ARMH3: variants seen among roughly 807,000 people sequenced by gnomAD.
ARMH3 encodes armadillo-like helical domain-containing protein 3.
Under a neutral mutation model 99.1 loss-of-function variants are expected in ARMH3, and 60 were observed. The ratio of observed to expected loss-of-function variants is 0.61; its 90% CI spans 0.49 to 0.75. ARMH3 has a LOEUF of 0.75. ARMH3 is among the 30% of genes least tolerant of loss of function. ARMH3 has a pLI of 0.00. For missense variants in ARMH3, 679 were observed against 843.1 expected (o/e 0.81, Z 2.41); for synonymous variants, 285 against 292.8 (o/e 0.97, Z 0.27).
At chr10:101,958,042 A>G (rs1330772765) in intron 20 of ARMH3, among the ~76,000 whole-genome samples, 1 of 152,240 alleles carries the variant, frequency 6.6e-6, no homozygotes, top group Non-Finnish European at 1.5e-5. Context: ...TTACTCCCAC[A>G]TGGTGATTTC....
intron 23 of ARMH3, among the ~76,000 whole-genome samples, chr10:101,899,530 G>A (rs1312921958): frequency 1.3e-5 from 2 of 152,074 alleles, no homozygotes; most frequent in African/African-American, 2.4e-5. Flanking sequence ...CCTTCTTCAT[G>A]GAGTCAATGA....
chr10:101,958,668 C>T (rs1845150363), intron 20 of ARMH3, among the ~76,000 whole-genome samples: 1 of 152,094 alleles, frequency 6.6e-6, no homozygotes, highest in African/African-American at 2.4e-5. Flanking sequence ...CCACCTTCCA[C>T]AGACCCAAGA....
At chr10:102,013,912 A>G in intron 9 of ARMH3, 56 bp downstream of exon 9, 3 of 1,400,906 alleles carry the variant, frequency 2.1e-6, no homozygotes, top group South Asian at 2.5e-5. Context: ...TTTCACTGAA[A>G]GTAATACCAT....
Position 101,990,595 on chromosome 10 carries a change from A to G in ARMH3, c.1362T>C (p.Phe454=), listed in dbSNP as rs377711599. The G allele has an allele frequency of 6.9e-5, 110 of 1,605,136 alleles. No individual in the cohort carries two copies. The highest frequency in any genetic ancestry group is 8.8e-5 in the Non-Finnish European group (103 of 1,172,090). ...ACTCCTTCATCATGTGTGTTACAAT[A>G]AACTCTACCATCAGGTCTGAAAGGG... The part of the protein sequence containing the change: ...VCAVLDLMVE[F]IVTHMMKEFP... Residue 454 remains phenylalanine, a synonymous_variant, in exon 19 of 26, where the codon TTT becomes TTC. Transcript: ENST00000370033.
chr10:101,954,148 T>G (rs1844923784), intron 22 of ARMH3, among the ~76,000 whole-genome samples: 1 of 152,130 alleles, frequency 6.6e-6, no homozygotes, highest in Non-Finnish European at 1.5e-5. Context: ...GCCATAATTG[T>G]GCCATTGCAC....
chr10:102,040,748 G>A (rs1008884351), intron 1 of ARMH3, among the ~76,000 whole-genome samples: 1 of 152,098 alleles, frequency 6.6e-6, no homozygotes, highest in African/African-American at 2.4e-5. Context: ...ATATATTTGA[G>A]GTTGATGGAA....
chr10:101,860,526 C>G (rs2066842407), intron 24 of ARMH3, among the ~76,000 whole-genome samples: 3 of 152,074 alleles, frequency 2.0e-5, no homozygotes. Context: ...TTTGGGGAGG[C>G]AGACTATCAA....
At chr10:101,860,343 CAG>C (rs1001092141) in intron 24 of ARMH3, among the ~76,000 whole-genome samples, 1 of 152,118 alleles carries the variant, frequency 6.6e-6, no homozygotes, top group Non-Finnish European at 1.5e-5. Flanking sequence ...TTGGGCAACT[CAG>C]GGTATGCAGT....
chr10:101,856,191 T>C (rs965808743), intron 24 of ARMH3, among the ~76,000 whole-genome samples: 1 of 152,182 alleles, frequency 6.6e-6, no homozygotes, highest in African/African-American at 2.4e-5. Flanking sequence ...GCTCCAGGGT[T>C]TGACAATTTT....
chr10:102,049,742 A>T (rs2067649874), intron 1 of ARMH3, among the ~76,000 whole-genome samples: 2 of 151,780 alleles, frequency 1.3e-5, no homozygotes, highest in Non-Finnish European at 2.9e-5. Flanking sequence ...TTTTTTGTAG[A>T]GATTGAGTTT....
intron 15 of ARMH3, among the ~76,000 whole-genome samples, chr10:101,996,393 G>C (rs981733423): frequency 2.0e-5 from 3 of 152,150 alleles, no homozygotes; most frequent in Non-Finnish European, 2.9e-5. Context: ...CTGACAATTA[G>C]ATGGCATAAT....
chr10:101,889,345 A>T, intron 24 of ARMH3, 67 bp downstream of exon 24: 1 of 1,399,968 alleles, frequency 7.1e-7, no homozygotes, highest in Non-Finnish European at 1.0e-6. Flanking sequence ...TCCCCCTGCC[A>T]TCAGAGAGAA....
At chr10:102,019,812 C>T (rs2066837471) in intron 8 of ARMH3, among the ~76,000 whole-genome samples, 1 of 151,370 alleles carries the variant, frequency 6.6e-6, no homozygotes, top group Non-Finnish European at 1.5e-5. Flanking sequence ...CTTGTAATCC[C>T]AGCTACTCCG....
Position 101,954,650 on chromosome 10 carries a change from G to A in ARMH3, c.1705+1947C>T, listed in dbSNP as rs187844290. ...AACTCAAAACTGTACATTTAAAAGG[G>A]TGGTTTTTGCCATATATGTAAATTA... is the stretch of plus-strand genomic sequence containing the variant. On this transcript the variant is annotated intron_variant, in intron 22 of 25. Transcript: ENST00000370033. Among the ~76,000 whole-genome samples, 20 of 152,218 alleles carry A rather than the reference G, an allele frequency of 1.3e-4. No homozygotes were observed. The East Asian group carries it at 2.7e-3, about 21-fold the overall frequency.
chr10:101,909,007 A>T (rs1287988785), intron 23 of ARMH3, among the ~76,000 whole-genome samples: 2 of 152,144 alleles, frequency 1.3e-5, no homozygotes, highest in East Asian at 3.9e-4. Context: ...CTAGTTTTAA[A>T]AAGTAAGTAT....
chr10:101,922,889 G>A (rs1203706641), intron 23 of ARMH3, among the ~76,000 whole-genome samples: 1 of 152,116 alleles, frequency 6.6e-6, no homozygotes, highest in Non-Finnish European at 1.5e-5. Context: ...GAGCTTCCTT[G>A]AGATTGAGAA....
chr10:101,983,111 T>C (rs1846303790), intron 19 of ARMH3, among the ~76,000 whole-genome samples: 1 of 152,134 alleles, frequency 6.6e-6, no homozygotes, highest in South Asian at 2.1e-4. Flanking sequence ...TCTGTTTGTA[T>C]GTTGAGGTGA....
Position 102,009,484 on chromosome 10 carries a change from A to G in ARMH3, c.879-35T>C, listed in dbSNP as rs2066581382. On this transcript the variant is annotated intron_variant, in intron 12 of 25. Transcript: ENST00000370033. The stretch of plus-strand genomic sequence containing the variant: ...AAGAGAACAAATTGGAGCAGTTTTT[A>G]TAGTGGGGGGAGTTAAAACAGTATA... 2.6e-6 allele frequency: 4 copies of G among 1,539,716 alleles called. No homozygotes were observed. In the South Asian group the frequency reaches 4.5e-5, roughly 17 times the overall value.
At chr10:101,999,799 G>C (rs2066307866) in intron 15 of ARMH3, among the ~76,000 whole-genome samples, 1 of 152,086 alleles carries the variant, frequency 6.6e-6, no homozygotes, top group Non-Finnish European at 1.5e-5. Context: ...AAATGATTCA[G>C]CCAGGCCGGG....
Sources: gnomAD v4.1 joint callset for allele counts (sites outside exome capture counted in the v4.1 genomes callset) on GRCh38, gnomAD v4.1.1 for gene constraint, MANE v1.5 for transcripts, NCBI Gene and HGNC (gene_info 2026-07-23, HGNC 2026-07-21) for gene names.